SLC19A1: variants seen among roughly 807,000 people sequenced by gnomAD.
SLC19A1 encodes solute carrier family 19 member 1.
A neutral mutation model predicts 35.3 loss-of-function variants in SLC19A1; 37 were observed. The ratio of observed to expected loss-of-function variants is 1.05; its 90% CI spans 0.81 to 1.38. The LOEUF is 1.38. SLC19A1 is among the 40% of genes most tolerant of loss of function. The pLI, the probability that SLC19A1 is intolerant of heterozygous loss-of-function variation, is 0.00. For synonymous variants in SLC19A1, 460 were observed against 398.5 expected (o/e 1.15, Z -1.84); for missense variants, 831 against 826.9 (o/e 1.00, Z -0.06).
chr21:45,519,388 G>C (rs60420734), intron 5 of SLC19A1, among the ~76,000 whole-genome samples: 2,252 of 152,178 alleles, frequency 0.015, 62 homozygotes, highest in African/African-American at 0.052. Flanking sequence ...CTGTAAGACA[G>C]AGATTAGCAA....
At chr21:45,562,121 C>A (rs2078620739) in intron 1 of SLC19A1, among the ~76,000 whole-genome samples, 1 of 125,512 alleles carries the variant, frequency 8.0e-6, no homozygotes, top group Non-Finnish European at 1.7e-5. Context: ...CAGATCAAGA[C>A]TCTGTCTCAA....
At chr21:45,550,424 C>T (rs2078454045) in intron 1 of SLC19A1, among the ~76,000 whole-genome samples, 2 of 152,228 alleles carry the variant, frequency 1.3e-5, no homozygotes, top group South Asian at 4.1e-4. Context: ...GCCACCCCGT[C>T]CACAAGCACA....
At chr21:45,537,377 C>T (rs1274109295) in intron 2 of SLC19A1, among the ~76,000 whole-genome samples, 1 of 152,212 alleles carries the variant, frequency 6.6e-6, no homozygotes, top group African/African-American at 2.4e-5. Context: ...ACAGGAAAAG[C>T]GCCCTGGCCC....
In SLC19A1 at chr21:45,515,912, G is replaced by A; in HGVS notation, c.1522C>T (p.Leu508=). Residue 508 remains leucine (L), a synonymous_variant, in exon 6 of 6, where the codon CTG becomes TTG. Transcript: ENST00000311124. ...QSPPLSPEDS[L]GAVGPASLEQ... is the part of the protein sequence containing the mutation. ...AGGGAGGCTGGCCCCACAGCCCCCA[G>A]GCTGTCTTCTGGGGAAAGCGGCGGG... 1 of 1,551,454 alleles carries A rather than the reference G, an allele frequency of 6.4e-7. No individual in the cohort carries two copies. The highest frequency in any genetic ancestry group is 8.7e-7 in the Non-Finnish European group (1 of 1,148,570).
At chr21:45,502,528 T>C (rs2036920471) in intron 3 of SLC19A1, 1 of 152,202 alleles carries the variant, frequency 6.6e-6, no homozygotes, top group African/African-American at 2.4e-5. Flanking sequence ...GAAGAGAAAT[T>C]GCGTATGTTT....
In SLC19A1 at chr21:45,542,414, C is replaced by G. The variant is rs9977985; in HGVS notation, c.-96G>C. 2.4e-3 allele frequency: 365 copies of G among 151,562 alleles called. 3 individuals carry two copies. The highest frequency in any genetic ancestry group is 8.4e-3 in the African/African-American group (347 of 41,460). The allele number at this position is 151,562 out of a possible 1,614,324, so 9.4% of individuals were successfully genotyped here. On this transcript the variant is annotated 5_prime_UTR_variant, in exon 1 of 6. Coordinates refer to ENST00000311124, the MANE Select transcript of SLC19A1 (RefSeq NM_194255.4). ...GCCCTGGGGCTCCCGGACCCGGCCC[C>G]GCGCACGCGGACTCCGGGACTACAG... is the stretch of plus-strand genomic sequence containing the variant.
intron 3 of SLC19A1, among the ~76,000 whole-genome samples, chr21:45,503,256 C>T (rs374955243): frequency 2.3e-4 from 32 of 142,094 alleles, no homozygotes; most frequent in African/African-American, 5.2e-4. Context: ...TTTTAACGAT[C>T]GCCATTCTAA....
chr21:45,557,596 C>T (rs1157166930), intron 1 of SLC19A1, among the ~76,000 whole-genome samples: 1 of 152,160 alleles, frequency 6.6e-6, no homozygotes. Flanking sequence ...TGTGCAGTGA[C>T]CAGGACCAGG....
intron 4 of SLC19A1, among the ~76,000 whole-genome samples, chr21:45,529,489 G>C (rs1487454115): frequency 6.6e-6 from 1 of 152,228 alleles, no homozygotes; most frequent in Non-Finnish European, 1.5e-5. Flanking sequence ...GAGGGGGCAG[G>C]TCCAGGGAGC....
At chr21:45,509,336 C>A (rs1199796945), downstream of SLC19A1, 2 of 1,542,400 alleles carry the variant, frequency 1.3e-6, no homozygotes. Flanking sequence ...GCCGACAGGC[C>A]CCACGTCTCC....
At chr21:45,546,388 A>G (rs557586463), upstream of SLC19A1, among the ~76,000 whole-genome samples, 105 of 152,344 alleles carry the variant, frequency 6.9e-4, no homozygotes, top group African/African-American at 2.4e-3. Flanking sequence ...TGTGCCTGCC[A>G]CACTTCTTCC....
At chr21:45,527,008 AATC>A (rs1259773372) in intron 4 of SLC19A1, among the ~76,000 whole-genome samples, 1 of 152,292 alleles carries the variant, frequency 6.6e-6, no homozygotes, top group African/African-American at 2.4e-5. Flanking sequence ...ACATTCAGAA[AATC>A]ATCATCAAGA....
In SLC19A1 at chr21:45,555,160, C is replaced by CAGGGGGCGGCGCA. The variant is rs1555888676; in HGVS notation, c.-50+7581_-50+7582insTGCGCCGCCCCCT. ...ACGCAGGGGGCGGTGCAGGGGGCGG[C>CAGGGGGCGGCGCA]GGGGGCGGCGCAGGGGGCGGTGCAG... On this transcript the variant is annotated intron_variant, in intron 1 of 5. Transcript: ENST00000650808. 1.0e-3 allele frequency among the ~76,000 whole-genome samples: 43 copies of CAGGGGGCGGCGCA among 41,824 alleles called. 3 individuals carry two copies. Among genetic ancestry groups the CAGGGGGCGGCGCA allele is most frequent in the Middle Eastern group, 9.4e-3 (1 of 106 alleles). The allele number at this position is 41,824 out of a possible 152,430, so 27.4% of individuals were successfully genotyped here. A position where few individuals can be genotyped will look rare whatever the true frequency, so the allele number is the denominator to read the frequency against.
chr21:45,516,318 C>CA (rs1485531020), intron 5 of SLC19A1, among the ~76,000 whole-genome samples, 178 bp from the exon 6 acceptor site: 1 of 152,130 alleles, frequency 6.6e-6, no homozygotes, highest in Non-Finnish European at 1.5e-5. Context: ...CCACAGCCCC[C>CA]CCGACCTCCA....
rs376055144 is a variant in SLC19A1, at chr21:45,505,972, C to T, written c.498-7360G>A. 265 of 1,613,050 alleles carry T rather than the reference C, an allele frequency of 1.6e-4. No homozygotes were observed. The highest frequency in any genetic ancestry group is 1.9e-4 in the Non-Finnish European group (224 of 1,179,926). On this transcript the variant is annotated intron_variant, in intron 3 of 4. Transcript: ENST00000417954. ...ACGGGTTCCGGAAGGTCCAGGTGAGCGCTCTGTGTGACGGGTTCTGGACCC... is the reference window on the plus strand; with the variant it reads ...ACGGGTTCCGGAAGGTCCAGGTGAGTGCTCTGTGTGACGGGTTCTGGACCC...
chr21:45,506,952 A>T, intron 3 of SLC19A1: 1 of 251,284 alleles, frequency 4.0e-6, no homozygotes, highest in Non-Finnish European at 8.1e-6. Flanking sequence ...GCTGGTGCCC[A>T]CTGTGTGCCA....
At position 45,532,255 on chromosome 21, in the gene SLC19A1, T is replaced by A. The variant is rs2043038274; in HGVS notation, c.190-107A>T. Reference sequence around the variant, plus strand: ...TGCTGACGGCTTCCTGCCCCAACACTGCCTGGTGGGACCCCTCTCCCCAAC... The same window carrying A: ...TGCTGACGGCTTCCTGCCCCAACACAGCCTGGTGGGACCCCTCTCCCCAAC... On this transcript the variant is annotated intron_variant, in intron 2 of 5. Transcript: ENST00000311124. The A allele has an allele frequency of 1.4e-5, 12 of 878,670 alleles. 1 individual carries two copies. The South Asian group carries it at 2.0e-4, about 14-fold the overall frequency. The allele number at this position is 878,670 out of a possible 1,614,324, so 54.4% of individuals were successfully genotyped here. A position where few individuals can be genotyped will look rare whatever the true frequency, so the allele number is the denominator to read the frequency against.
rs1286733275 is a variant in SLC19A1, at chr21:45,530,201, A to G, written c.1151+569T>C. 1.5e-5 allele frequency among the ~76,000 whole-genome samples: 2 copies of G among 134,878 alleles called. No individual in the cohort carries two copies. The highest frequency in any genetic ancestry group is 5.7e-5 in the African/African-American group (2 of 34,894). The allele number at this position is 134,878 out of a possible 152,430, so 88.5% of individuals were successfully genotyped here. A position where few individuals can be genotyped will look rare whatever the true frequency, so the allele number is the denominator to read the frequency against. On this transcript the variant is annotated intron_variant, in intron 4 of 5. Coordinates refer to ENST00000311124, the MANE Select transcript of SLC19A1 (RefSeq NM_194255.4). The surrounding 1 kb of genome is among the most constrained non-coding windows in gnomAD (Gnocchi z 5.3). ...CATGTGTAGTGGGTGTCCATGTGTG[A>G]TATATCCATGTGTGAACATGGTGTG...
chr21:45,537,657 C>G, intron 2 of SLC19A1, 114 bp downstream of exon 2: 1 of 1,003,476 alleles, frequency 1.0e-6, no homozygotes, highest in Admixed American at 3.2e-5. Flanking sequence ...AAGCTGCTCC[C>G]TGCCCACCCA....
Sources: gnomAD v4.1 joint callset for allele counts (sites outside exome capture counted in the v4.1 genomes callset) on GRCh38, gnomAD v4.1.1 for gene constraint, Gnocchi (gnomAD v3.1) non-coding constraint, MANE v1.5 for transcripts, NCBI Gene and HGNC (gene_info 2026-07-23, HGNC 2026-07-21) for gene names.